The following DNAH11 variants were observed in gnomAD, a reference collection of about 807,000 sequenced individuals.
DNAH11 encodes dynein axonemal heavy chain 11.
A neutral mutation model predicts 526.0 loss-of-function variants in DNAH11; 442 were observed. That is an observed-to-expected ratio of 0.84 (90% CI 0.78 to 0.91). The LOEUF (loss-of-function observed/expected upper bound fraction) is 0.91, where lower values mean the gene tolerates loss of function less well. Ranked by LOEUF, DNAH11 falls within the 40% of genes least tolerant of loss-of-function variation. The pLI is 0.00. For missense variants in DNAH11, 6,989 were observed against 5,448.7 expected, an observed-to-expected ratio of 1.28 and a Z score of -8.90; for synonymous variants, 2,461 against 1,935.9, an observed-to-expected ratio of 1.27 and a Z score of -7.12.
intron 25 of DNAH11, among the ~76,000 whole-genome samples, chr7:21,621,894 T>G (rs1786079367): frequency 6.6e-6 from 1 of 152,084 alleles, no homozygotes; most frequent in Non-Finnish European, 1.5e-5. Flanking sequence ...AAGCATTCCC[T>G]TTGAAAACTG....
At chr7:21,664,134 G>GTTT (rs5882820) in intron 30 of DNAH11, among the ~76,000 whole-genome samples, 52,661 of 130,624 alleles carry the variant, frequency 0.4, 11,085 homozygotes, top group Non-Finnish European at 0.48. Flanking sequence ...ATTTCCCAAA[G>GTTT]TTTTTTTTTT....
intron 5 of DNAH11, among the ~76,000 whole-genome samples, chr7:21,563,870 G>A (rs574744415): frequency 2.0e-5 from 3 of 152,048 alleles, no homozygotes; most frequent in African/African-American, 4.8e-5. Context: ...GTTTTATTCC[G>A]ACAGTTTCCA....
chr7:21,886,222 G>A (rs1784117340), intron 76 of DNAH11, among the ~76,000 whole-genome samples: 1 of 151,954 alleles, frequency 6.6e-6, no homozygotes, highest in African/African-American at 2.4e-5. Context: ...ATTTTGAGAA[G>A]TAATATAATC....
intron 29 of DNAH11, among the ~76,000 whole-genome samples, chr7:21,656,591 C>T (rs551212190): frequency 3.9e-4 from 59 of 152,194 alleles, no homozygotes; most frequent in African/African-American, 1.3e-3. Context: ...TTTCTGAAAG[C>T]GTTTCTGGTG....
chr7:21,544,921 A>C, intron 1 of DNAH11, 85 bp from the exon 2 acceptor site: 1 of 1,189,488 alleles, frequency 8.4e-7, no homozygotes, highest in Non-Finnish European at 1.2e-6. Context: ...TTCTTCTGCT[A>C]GCAATACAGC....
chr7:21,726,890 A>AAAAAAAAAAAAAAAAAAAAG (rs1785136803), intron 45 of DNAH11, among the ~76,000 whole-genome samples: 1 of 117,616 alleles, frequency 8.5e-6, no homozygotes, highest in African/African-American at 3.2e-5. Context: ...AAAAAAAAAA[A>AAAAAAAAAAAAAAAAAAAAG]AGAATGCTTA....
At position 21,894,722 on chromosome 7, in the gene DNAH11, G is replaced by A; in HGVS notation, c.12850G>A (p.Val4284Ile). Residue 4284 changes from valine to isoleucine, a missense_variant, in exon 78 of 82, where the codon GTT becomes ATT. Coordinates refer to ENST00000409508, the MANE Select transcript of DNAH11 (RefSeq NM_001277115.2). The part of the protein sequence containing the change: ...KNSNRSPYVL[V>I]CFQECERMNI... ...TTCAAATAGAAGCCCATATGTTCTT[G>A]TTTGCTTCCAAGAATGTGAGAGGAT... is the stretch of plus-strand genomic sequence containing the variant. 1 of 1,613,630 alleles carries A rather than the reference G, an allele frequency of 6.2e-7. No individual in the cohort carries two copies. The highest frequency in any genetic ancestry group is 2.2e-5 in the East Asian group (1 of 44,876).
chr7:21,832,544 T>C (rs1781828044), intron 65 of DNAH11, among the ~76,000 whole-genome samples: 1 of 152,208 alleles, frequency 6.6e-6, no homozygotes, highest in Non-Finnish European at 1.5e-5. Context: ...TGATGGATCT[T>C]GACTCTTTAT....
chr7:21,706,462 A>G (rs1000427615), intron 39 of DNAH11, among the ~76,000 whole-genome samples: 3 of 152,158 alleles, frequency 2.0e-5, no homozygotes, highest in Admixed American at 6.5e-5. Flanking sequence ...TAAGAAAAAA[A>G]ATCTCTGTAT....
At chr7:21,606,799 AC>A in intron 20 of DNAH11, 66 bp downstream of exon 20, 1 of 1,316,536 alleles carries the variant, frequency 7.6e-7, no homozygotes, top group Non-Finnish European at 1.1e-6. Flanking sequence ...AAGTTTAGAC[AC>A]AAAATACTGC....
chr7:21,720,952 G>C, intron 44 of DNAH11, 96 bp downstream of exon 44: 4 of 1,446,766 alleles, frequency 2.8e-6, no homozygotes, highest in Non-Finnish European at 3.7e-6. Context: ...TTTTTGTTAT[G>C]TTATAGATCT....
intron 32 of DNAH11, 24 bp from the exon 33 acceptor site, chr7:21,687,075 G>A (rs2128473908): frequency 3.1e-6 from 5 of 1,597,456 alleles, no homozygotes; most frequent in Non-Finnish European, 4.3e-6. Flanking sequence ...AGACTGTGAT[G>A]TTTGTGTTTT....
chr7:21,841,103 G>T (rs913378875), intron 65 of DNAH11, among the ~76,000 whole-genome samples: 1 of 152,110 alleles, frequency 6.6e-6, no homozygotes, highest in South Asian at 2.1e-4. Flanking sequence ...AGAATGACTT[G>T]AACCCAGGAG....
At chr7:21,610,351 T>G (rs1232619059) in intron 20 of DNAH11, among the ~76,000 whole-genome samples, 1 of 152,212 alleles carries the variant, frequency 6.6e-6, no homozygotes, top group East Asian at 1.9e-4. Context: ...ACTACCCCTC[T>G]GATTAAGGAA....
intron 35 of DNAH11, among the ~76,000 whole-genome samples, chr7:21,695,189 A>G (rs768704359): frequency 1.3e-5 from 2 of 152,210 alleles, no homozygotes; most frequent in East Asian, 3.8e-4. Context: ...CAAAGATTCA[A>G]TGCTATTCCC....
intron 66 of DNAH11, among the ~76,000 whole-genome samples, chr7:21,850,381 A>AG (rs1298148316): frequency 6.6e-6 from 1 of 151,324 alleles, no homozygotes; most frequent in African/African-American, 2.4e-5. Context: ...AAAAAGAAAA[A>AG]GAAAAAAAAT....
rs1387310753 is a variant in DNAH11, at chr7:21,600,919, T to G, written c.3244T>G (p.Phe1082Val). Residue 1082 changes from phenylalanine to valine, a missense_variant, in exon 16 of 82, where the codon TTC becomes GTC. By Grantham distance (50) the Phe-to-Val change is conservative (BLOSUM62 -1). Coordinates refer to ENST00000409508, the MANE Select transcript of DNAH11 (RefSeq NM_001277115.2). ...CGAACAACCACCAACTCTTGAGCAA[T>G]TCAAAGAACAGGCAAGGAAAACCCT... Reference protein sequence around the residue: ...IPEQPPTLEQFKEQIDIYEAL... With the variant: ...IPEQPPTLEQVKEQIDIYEAL... The G allele has an allele frequency of 6.2e-7, 1 of 1,613,460 alleles. No individual in the cohort carries two copies. The highest frequency in any genetic ancestry group is 1.3e-5 in the African/African-American group (1 of 74,890).
chr7:21,896,911 TAAATA>T (rs989341016), intron 79 of DNAH11, among the ~76,000 whole-genome samples: 23 of 148,248 alleles, frequency 1.6e-4, no homozygotes, highest in Admixed American at 1.1e-3. Flanking sequence ...AATAATAAAA[TAAATA>T]AAATAAAAAT....
At chr7:21,861,642 T>G (rs1783067459) in intron 68 of DNAH11, among the ~76,000 whole-genome samples, 1 of 152,232 alleles carries the variant, frequency 6.6e-6, no homozygotes, top group South Asian at 2.1e-4. Flanking sequence ...GGAGATTGAA[T>G]GGATTTCATG....
Sources: gnomAD v4.1 joint callset for allele counts (sites outside exome capture counted in the v4.1 genomes callset) on GRCh38, gnomAD v4.1.1 for gene constraint, MANE v1.5 for transcripts, NCBI Gene and HGNC (gene_info 2026-07-23, HGNC 2026-07-21) for gene names.